Variants in CAMK2D observed in about 807,000 individuals in gnomAD.
CAMK2D encodes calcium/calmodulin-dependent protein kinase type II subunit delta.
Under a neutral mutation model 84.0 loss-of-function variants are expected in CAMK2D, and 37 were observed. The ratio of observed to expected loss-of-function variants is 0.44; its 90% CI spans 0.34 to 0.58. CAMK2D has a LOEUF of 0.58. Among genes scored for constraint, CAMK2D ranks in the 20% least tolerant of loss-of-function variants. The pLI is 0.02. For missense variants in CAMK2D, 448 were observed against 652.5 expected (o/e 0.69, Z 3.41); for synonymous variants, 202 against 212.5 (o/e 0.95, Z 0.43).
At chr4:113,713,682 T>C (rs2099502018) in intron 2 of CAMK2D, among the ~76,000 whole-genome samples, 1 of 151,350 alleles carries the variant, frequency 6.6e-6, no homozygotes, top group Non-Finnish European at 1.5e-5. Context: ...ACTGACAACT[T>C]CAATCAATTC....
At chr4:113,652,506 A>G (rs2099178313) in intron 3 of CAMK2D, among the ~76,000 whole-genome samples, 1 of 152,198 alleles carries the variant, frequency 6.6e-6, no homozygotes. Context: ...AAAAAGTGTT[A>G]TCACTTCCCC....
At chr4:113,457,168 G>T in intron 19 of CAMK2D, 167 bp downstream of exon 19, 2 of 1,437,494 alleles carry the variant, frequency 1.4e-6, no homozygotes, top group Non-Finnish European at 9.1e-7. Context: ...TGATCTGATT[G>T]ATCTTTCCAG....
intron 2 of CAMK2D, among the ~76,000 whole-genome samples, chr4:113,725,392 G>A (rs916105045): frequency 2.0e-5 from 3 of 151,926 alleles, no homozygotes; most frequent in African/African-American, 7.2e-5. Context: ...CTAGCCTATC[G>A]AATTTTATTA....
chr4:113,647,658 G>A (rs942388856), intron 3 of CAMK2D, among the ~76,000 whole-genome samples: 1 of 152,302 alleles, frequency 6.6e-6, no homozygotes, highest in East Asian at 1.9e-4. Context: ...AAATGTCTCC[G>A]GAAGGAAGAG....
chr4:113,654,142 T>G (rs2099188538), intron 3 of CAMK2D, among the ~76,000 whole-genome samples: 1 of 152,022 alleles, frequency 6.6e-6, no homozygotes, highest in Admixed American at 6.6e-5. Context: ...TTTTTAGATC[T>G]GGGTATGATC....
At chr4:113,716,294 C>T (rs1232761530) in intron 2 of CAMK2D, among the ~76,000 whole-genome samples, 1 of 152,104 alleles carries the variant, frequency 6.6e-6, no homozygotes, top group Admixed American at 6.6e-5. Flanking sequence ...CTATTATACA[C>T]TAAAAGAAAG....
At chr4:113,743,177 C>T (rs1284880491) in intron 2 of CAMK2D, among the ~76,000 whole-genome samples, 2 of 152,128 alleles carry the variant, frequency 1.3e-5, no homozygotes. Flanking sequence ...CTAGATGCAA[C>T]TTGGAAGGAA....
intron 8 of CAMK2D, among the ~76,000 whole-genome samples, chr4:113,526,555 T>G (rs2098419456): frequency 1.3e-5 from 2 of 152,202 alleles, no homozygotes; most frequent in Admixed American, 1.3e-4. Context: ...TACCTATCCT[T>G]TTTCCCTCTT....
intron 16 of CAMK2D, among the ~76,000 whole-genome samples, chr4:113,493,681 C>T (rs981503354): frequency 1.8e-4 from 27 of 151,892 alleles, no homozygotes; most frequent in Admixed American, 6.5e-4. Context: ...TGAATCTGAA[C>T]GTTGGCCTGC....
intron 2 of CAMK2D, among the ~76,000 whole-genome samples, chr4:113,716,377 T>C (rs1246126174): frequency 1.3e-5 from 2 of 152,112 alleles, no homozygotes; most frequent in Non-Finnish European, 2.9e-5. Flanking sequence ...GGGCTGGGCA[T>C]GGTGGCTCAC....
chr4:113,701,690 G>A (rs529040621), intron 2 of CAMK2D, among the ~76,000 whole-genome samples: 137 of 152,206 alleles, frequency 9.0e-4, no homozygotes, highest in African/African-American at 3.1e-3. Flanking sequence ...GAGACCGTAC[G>A]TAGGTTTTAT....
intron 5 of CAMK2D, among the ~76,000 whole-genome samples, chr4:113,550,302 A>T (rs1316984855): frequency 6.6e-6 from 1 of 152,098 alleles, no homozygotes; most frequent in Non-Finnish European, 1.5e-5. Flanking sequence ...CCTCCTGATT[A>T]TCTGGGACTA....
At position 113,555,034 on chromosome 4, in the gene CAMK2D, T is replaced by C. The variant is rs1400539843; in HGVS notation, c.276-2938A>G. Among the ~76,000 whole-genome samples, 3 of 152,208 alleles carry C rather than the reference T, an allele frequency of 2.0e-5. No homozygotes were observed. In the East Asian group the frequency reaches 5.8e-4, roughly 29 times the overall value. ...AAATATTTGTTACTGTTGTTATTTA[T>C]AGTGATGTTGATTCACACTGTATTA... On this transcript the variant is annotated intron_variant, in intron 4 of 20. Transcript: ENST00000511664.
chr4:113,457,254 C>T, intron 19 of CAMK2D, 81 bp downstream of exon 19: 3 of 1,552,854 alleles, frequency 1.9e-6, no homozygotes. Context: ...TAACATATAC[C>T]ATGCTATTAA....
intron 4 of CAMK2D, among the ~76,000 whole-genome samples, chr4:113,594,629 A>G (rs527694942): frequency 6.6e-6 from 1 of 152,352 alleles, no homozygotes; most frequent in African/African-American, 2.4e-5. Flanking sequence ...TATACCAGAA[A>G]AATGGAGAAT....
chr4:113,687,167 T>G (rs1267186563), intron 2 of CAMK2D, among the ~76,000 whole-genome samples: 1 of 152,166 alleles, frequency 6.6e-6, no homozygotes, highest in Non-Finnish European at 1.5e-5. Context: ...CCCTTCCCCA[T>G]TTGAAAAAAA....
intron 3 of CAMK2D, among the ~76,000 whole-genome samples, chr4:113,634,101 C>A (rs1296979575): frequency 6.6e-6 from 1 of 152,204 alleles, no homozygotes; most frequent in Non-Finnish European, 1.5e-5. Flanking sequence ...GTAGTACAGT[C>A]CCACAAAACA....
intron 17 of CAMK2D, among the ~76,000 whole-genome samples, chr4:113,465,118 G>C (rs1030740102): frequency 6.6e-6 from 1 of 151,954 alleles, no homozygotes; most frequent in African/African-American, 2.4e-5. Flanking sequence ...ATGCAGCCTC[G>C]ACCTCCTGGG....
chr4:113,584,861 G>GA (rs555902675), intron 4 of CAMK2D, among the ~76,000 whole-genome samples: 12 of 151,194 alleles, frequency 7.9e-5, no homozygotes, highest in African/African-American at 1.9e-4. Flanking sequence ...TTTATCTTAA[G>GA]AAAAAAAAAG....
Sources: allele counts gnomAD v4.1 joint callset (sites outside exome capture counted in the v4.1 genomes callset), GRCh38; gene constraint gnomAD v4.1.1; transcripts MANE v1.5; gene names NCBI Gene and HGNC (gene_info 2026-07-23, HGNC 2026-07-21).